The following CADM1 variants were observed in gnomAD, a reference collection of about 807,000 sequenced individuals.
The protein encoded by CADM1 is cell adhesion molecule 1.
CADM1 carries 15 observed loss-of-function variants against 53.1 expected under a neutral mutation model. The observed-to-expected ratio is 0.28, with a 90% CI of 0.19 to 0.44. The LOEUF is 0.44. CADM1 is among the 20% of genes least tolerant of loss of function. CADM1 has a pLI of 1.00. For synonymous variants in CADM1, 281 were observed against 243.0 expected, an observed-to-expected ratio of 1.16 and a Z score of -1.45; for missense variants, 434 against 611.3, an observed-to-expected ratio of 0.71 and a Z score of 3.06.
At chr11:115,283,408 G>A (rs1943639420) in intron 1 of CADM1, among the ~76,000 whole-genome samples, 2 of 152,152 alleles carry the variant, frequency 1.3e-5, no homozygotes, top group South Asian at 4.2e-4. Context: ...ACAAGGTTCA[G>A]AGGCCAGCCA....
At chr11:115,328,715 T>TATATACATATATATACAC (rs1464724518) in intron 1 of CADM1, among the ~76,000 whole-genome samples, 3 of 54,802 alleles carry the variant, frequency 5.5e-5, no homozygotes, top group African/African-American at 1.8e-4. Context: ...TATATATATG[T>TATATACATATATATACAC]GTATATATAT....
At chr11:115,353,031 T>C (rs531806086) in intron 1 of CADM1, among the ~76,000 whole-genome samples, 1 of 152,364 alleles carries the variant, frequency 6.6e-6, no homozygotes, top group East Asian at 1.9e-4. Flanking sequence ...ACTTTTGAAT[T>C]ATTTCCTTAT....
At chr11:115,421,927 T>C (rs1591214511) in intron 1 of CADM1, among the ~76,000 whole-genome samples, 1 of 152,336 alleles carries the variant, frequency 6.6e-6, no homozygotes, top group East Asian at 1.9e-4. Flanking sequence ...AAACTCAAAA[T>C]TAGGGCTTTG....
chr11:115,347,489 TGAACTATTACTTAGATA>T (rs1192456842), intron 1 of CADM1, among the ~76,000 whole-genome samples: 1 of 152,192 alleles, frequency 6.6e-6, no homozygotes, highest in Non-Finnish European at 1.5e-5. Context: ...ACTTTTCTGG[TGAACTATTACTTAGATA>T]ATAGAACATT....
chr11:115,398,671 A>C (rs1215114032), intron 1 of CADM1, among the ~76,000 whole-genome samples: 1 of 152,236 alleles, frequency 6.6e-6, no homozygotes, highest in Non-Finnish European at 1.5e-5. Context: ...ATTAAACAAA[A>C]CAATATTTTC....
intron 1 of CADM1, chr11:115,363,783 T>C (rs1383721205): frequency 6.6e-6 from 1 of 152,136 alleles, no homozygotes; most frequent in Non-Finnish European, 1.5e-5. Context: ...TTAAATACAG[T>C]CATGCACCAC....
intron 2 of CADM1, among the ~76,000 whole-genome samples, chr11:115,239,190 TATTA>T (rs1015547283): frequency 4.6e-5 from 7 of 152,168 alleles, no homozygotes; most frequent in Non-Finnish European, 8.8e-5. Context: ...AAAGCCTTCA[TATTA>T]ATTACAAAAG....
At chr11:115,296,412 G>A (rs1206102570) in intron 1 of CADM1, among the ~76,000 whole-genome samples, 1 of 152,110 alleles carries the variant, frequency 6.6e-6, no homozygotes, top group Non-Finnish European at 1.5e-5. Context: ...GGGCTATGAG[G>A]GCAGATCCCT....
intron 1 of CADM1, among the ~76,000 whole-genome samples, chr11:115,366,232 G>A (rs1000036251): frequency 1.3e-5 from 2 of 152,160 alleles, no homozygotes; most frequent in Non-Finnish European, 2.9e-5. Context: ...ACAAAAACAG[G>A]TGAACAAAAA....
At chr11:115,246,085 C>G (rs1942398908) in intron 1 of CADM1, among the ~76,000 whole-genome samples, 1 of 152,156 alleles carries the variant, frequency 6.6e-6, no homozygotes. Flanking sequence ...AACCAGGGTC[C>G]AAAGAGAGGG....
intron 1 of CADM1, among the ~76,000 whole-genome samples, chr11:115,277,810 T>G (rs973936658): frequency 2.6e-5 from 4 of 152,188 alleles, no homozygotes; most frequent in Admixed American, 1.3e-4. Context: ...AGGATCTAGC[T>G]GTACAGACAG....
At chr11:115,306,920 C>T (rs981777677) in intron 1 of CADM1, among the ~76,000 whole-genome samples, 1 of 151,928 alleles carries the variant, frequency 6.6e-6, no homozygotes, top group Non-Finnish European at 1.5e-5. Context: ...CTTATGGATG[C>T]ATTGCTTAAT....
At chr11:115,420,754 C>A (rs752655309) in intron 1 of CADM1, among the ~76,000 whole-genome samples, 1 of 152,120 alleles carries the variant, frequency 6.6e-6, no homozygotes, top group East Asian at 1.9e-4. Context: ...TGACCCATGC[C>A]GTGATCTTCT....
chr11:115,499,838 G>A (rs181515328), intron 1 of CADM1, among the ~76,000 whole-genome samples: 8 of 152,276 alleles, frequency 5.3e-5, no homozygotes, highest in Non-Finnish European at 8.8e-5. Context: ...TTTAAAAACA[G>A]CTTTAGTCCC....
At chr11:115,401,492 C>A (rs1379166800) in intron 1 of CADM1, among the ~76,000 whole-genome samples, 3 of 152,156 alleles carry the variant, frequency 2.0e-5, no homozygotes, top group Admixed American at 2.0e-4. Flanking sequence ...CCTGTAGTCC[C>A]AGCTACACAG....
At chr11:115,362,937 G>A (rs916294366) in intron 1 of CADM1, among the ~76,000 whole-genome samples, 1 of 151,928 alleles carries the variant, frequency 6.6e-6, no homozygotes, top group Non-Finnish European at 1.5e-5. Flanking sequence ...CAATAGTCAA[G>A]CTCCTACTAG....
Position 115,446,707 on chromosome 11 carries a change from C to T in CADM1, c.124+57564G>A, listed in dbSNP as rs1591250500. ...TCTATTACTCAAAAGTGAGATAAAC[C>T]TATGTAGCCTAAAAGGGCCACTGCT... On this transcript the variant is annotated intron_variant, in intron 1 of 11. Coordinates refer to ENST00000331581, the MANE Select transcript of CADM1 (RefSeq NM_001301043.2). 3.3e-5 allele frequency among the ~76,000 whole-genome samples: 5 copies of T among 152,128 alleles called. 1 individual carries two copies. Among genetic ancestry groups the T allele is most frequent in the African/African-American group, 1.2e-4 (5 of 41,512 alleles).
chr11:115,391,690 T>C (rs1349748312), intron 1 of CADM1, among the ~76,000 whole-genome samples: 1 of 152,122 alleles, frequency 6.6e-6, no homozygotes, highest in African/African-American at 2.4e-5. Context: ...CACCAGGTGG[T>C]GAAGAAATCT....
intron 5 of CADM1, among the ~76,000 whole-genome samples, chr11:115,222,305 G>A (rs1001584281): frequency 6.6e-6 from 1 of 152,084 alleles, no homozygotes; most frequent in Non-Finnish European, 1.5e-5. Context: ...CTGAGATTTG[G>A]TGAGTGTTAG....
Sources: gnomAD v4.1 joint callset for allele counts (sites outside exome capture counted in the v4.1 genomes callset) on GRCh38, gnomAD v4.1.1 for gene constraint, MANE v1.5 for transcripts, NCBI Gene and HGNC (gene_info 2026-07-23, HGNC 2026-07-21) for gene names.